Variants in C20orf173 observed in about 807,000 individuals in gnomAD.
C20orf173 encodes uncharacterized protein C20orf173.
A neutral mutation model predicts 26.7 loss-of-function variants in C20orf173; 22 were observed. The ratio of observed to expected loss-of-function variants is 0.82; its 90% confidence interval spans 0.59 to 1.18. The LOEUF (loss-of-function observed/expected upper bound fraction) is 1.18. C20orf173 is among the 50% of genes most tolerant of loss of function. The probability of loss-of-function intolerance (pLI) is 0.00; values close to 1 mark genes in which losing one functional copy is unlikely to be tolerated. For synonymous variants in C20orf173, 85 were observed against 96.4 expected (o/e 0.88, Z 0.69); for missense variants, 210 against 250.3 (o/e 0.84, Z 1.09).
downstream of C20orf173, among the ~76,000 whole-genome samples, chr20:35,521,740 C>A (rs2064476647): frequency 6.6e-6 from 1 of 151,916 alleles, no homozygotes; most frequent in South Asian, 2.1e-4. Flanking sequence ...TCCCAAGTAG[C>A]TAGGATTACA....
Position 35,528,728 on chromosome 20 carries a change from T to C in C20orf173, c.461A>G (p.Asp154Gly). The change falls in exon 3 of 6, where the codon GAC (aspartate) becomes GGC (glycine). Residue 154 changes from aspartate (D) to glycine (G), a missense_variant. Asp to Gly is a moderately conservative substitution (Grantham distance 94, BLOSUM62 -1). Coordinates refer to ENST00000444723, the MANE Select transcript of C20orf173 (RefSeq NM_001145350.2). ...QIPQGSSLGN[D>G]IDQYPVVFRN... ...GAAAACCACGGGGTATTGGTCGATG[T>C]CGTTGCCAAGGCTGGAGCCCTGCGG... 1 of 1,539,794 alleles carries C rather than the reference T, an allele frequency of 6.5e-7. No individual in the cohort carries two copies. Among genetic ancestry groups the C allele is most frequent in the Non-Finnish European group, 8.8e-7 (1 of 1,141,244 alleles).
chr20:35,523,179 G>A (rs1453651185), downstream of C20orf173: 2 of 152,672 alleles, frequency 1.3e-5, no homozygotes, highest in Non-Finnish European at 2.9e-5. Flanking sequence ...AAGTTGCTGG[G>A]ATGGTGGCAG....
chr20:35,528,450 C>G lies in C20orf173; in HGVS notation c.582+1G>C, dbSNP rs749319647. 1.9e-6 allele frequency: 3 copies of G among 1,551,676 alleles called. No individual in the cohort carries two copies. Among genetic ancestry groups the G allele is most frequent in the Non-Finnish European group, 2.6e-6 (3 of 1,146,950 alleles). On this transcript the variant is annotated splice_donor_variant, in intron 4 of 5. Coordinates refer to ENST00000444723, the MANE Select transcript of C20orf173 (RefSeq NM_001145350.2). LOFTEE classifies it high-confidence loss of function. ...AGAATGTCTGGGGACACCTCCATCACCTTATCACTTAGAGCATCTGAAGTC... is the reference window on the plus strand; with the variant it reads ...AGAATGTCTGGGGACACCTCCATCAGCTTATCACTTAGAGCATCTGAAGTC...
intron 4 of C20orf173, 37 bp downstream of exon 4, chr20:35,528,414 C>T (rs1225009007): frequency 1.3e-6 from 2 of 1,547,280 alleles, no homozygotes; most frequent in Non-Finnish European, 1.7e-6. Flanking sequence ...CCTCCCCTCA[C>T]CCCCACACAG....
At chr20:35,526,754 C>A (rs181447308), downstream of C20orf173, among the ~76,000 whole-genome samples, 92 of 149,164 alleles carry the variant, frequency 6.2e-4, no homozygotes, top group South Asian at 1.7e-3. Flanking sequence ...AACCCTCACC[C>A]TCCGGCATGG....
downstream of C20orf173, among the ~76,000 whole-genome samples, chr20:35,526,509 G>A (rs932048063): frequency 6.6e-6 from 1 of 151,670 alleles, no homozygotes; most frequent in Non-Finnish European, 1.5e-5. Flanking sequence ...TGCATTTATA[G>A]TCCCAGCTAC....
rs769095580 is a variant in C20orf173 at position 35,529,375 on chromosome 20, T to C, written c.-2A>G. On this transcript the variant is annotated 5_prime_UTR_variant, in exon 2 of 6. Transcript: ENST00000444723. ...GACAAAAATCTGCCAGCGCTTCATG[T>C]CTGGCCCAGGCGGTGGCTCCCGTGG... 3.9e-5 allele frequency: 60 copies of C among 1,534,506 alleles called. No homozygotes were observed. The highest frequency in any genetic ancestry group is 5.3e-5 in the Non-Finnish European group (60 of 1,139,270).
downstream of C20orf173, among the ~76,000 whole-genome samples, chr20:35,523,836 G>C (rs932065961): frequency 6.6e-6 from 1 of 152,108 alleles, no homozygotes; most frequent in African/African-American, 2.4e-5. Flanking sequence ...GGCCACCTTG[G>C]CGATGGCTCA....
downstream of C20orf173, among the ~76,000 whole-genome samples, chr20:35,524,476 G>A (rs1391289175): frequency 2.0e-5 from 3 of 152,060 alleles, no homozygotes; most frequent in East Asian, 5.8e-4. Context: ...GAACTGAATT[G>A]TTTTGAAATT....
rs1028737671 is a variant in C20orf173, at chr20:35,529,349, G to A, written c.25C>T (p.Leu9=). 6.5e-7 allele frequency: 1 copy of A among 1,545,682 alleles called. No homozygotes were observed. Among genetic ancestry groups the A allele is most frequent in the Admixed American group, 2.0e-5 (1 of 50,874 alleles). Residue 9 remains leucine, a synonymous_variant, in exon 2 of 6, where the codon CTG becomes TTG. Coordinates refer to ENST00000444723, the MANE Select transcript of C20orf173 (RefSeq NM_001145350.2). ...AGGATGAGCACCCAAAAGACCCACAGGACAAAAATCTGCCAGCGCTTCATG... is the reference window on the plus strand; with the variant it reads ...AGGATGAGCACCCAAAAGACCCACAAGACAAAAATCTGCCAGCGCTTCATG... MKRWQIFV[L]WVFWVLILWL... is the part of the protein sequence containing the mutation.
chr20:35,521,515 G>A (rs1403624275), downstream of C20orf173, among the ~76,000 whole-genome samples: 1 of 151,826 alleles, frequency 6.6e-6, no homozygotes, highest in Non-Finnish European at 1.5e-5. Context: ...ATCTGGGAGA[G>A]AGGAGAGGGA....
At chr20:35,525,593 G>A (rs2064498377), downstream of C20orf173, among the ~76,000 whole-genome samples, 1 of 152,146 alleles carries the variant, frequency 6.6e-6, no homozygotes. Flanking sequence ...GAAGACACAG[G>A]GGAGTATGCC....
chr20:35,520,941 C>T (rs1455174803), downstream of C20orf173: 1 of 152,236 alleles, frequency 6.6e-6, no homozygotes, highest in African/African-American at 2.4e-5. Context: ...ACCACAAGGT[C>T]CCCTTGGCTA....
chr20:35,523,922 G>A (rs1568860032), downstream of C20orf173, among the ~76,000 whole-genome samples: 1 of 152,130 alleles, frequency 6.6e-6, no homozygotes, highest in Non-Finnish European at 1.5e-5. Flanking sequence ...AGGGCCACCT[G>A]GAATCTTCTG....
chr20:35,525,379 C>G (rs1201982946), downstream of C20orf173, among the ~76,000 whole-genome samples: 1 of 152,100 alleles, frequency 6.6e-6, no homozygotes, highest in Non-Finnish European at 1.5e-5. Context: ...TGGCGAAACC[C>G]AGTCTCTACT....
chr20:35,523,109 G>A (rs2064484528), downstream of C20orf173: 1 of 152,710 alleles, frequency 6.5e-6, no homozygotes, highest in Non-Finnish European at 1.5e-5. Flanking sequence ...AGACTCGCCA[G>A]GCACGTGGAG....
chr20:35,529,007 G>A (rs2064529098), intron 2 of C20orf173, 58 bp downstream of exon 2: 1 of 1,535,188 alleles, frequency 6.5e-7, no homozygotes, highest in African/African-American at 1.4e-5. Flanking sequence ...GAAAGTGGGA[G>A]ATGGGTGAGG....
chr20:35,529,276 T>C lies in C20orf173; in HGVS notation c.98A>G (p.Gln33Arg), dbSNP rs1397774479. Reference sequence around the variant, plus strand: ...TGGTACCAAGTACATTCGTTTTTCCTGGGGTGCTGATTCAGGTGTCAGATC... The same window carrying C: ...TGGTACCAAGTACATTCGTTTTTCCCGGGGTGCTGATTCAGGTGTCAGATC... ...YLDLTPESAPQEKRMYLVPQH... is the reference protein window; with the variant it reads ...YLDLTPESAPREKRMYLVPQH... The change falls in exon 2 of 6, where the codon CAG becomes CGG. Residue 33 changes from glutamine (Q) to arginine (R), a missense_variant. Coordinates refer to ENST00000444723, the MANE Select transcript of C20orf173 (RefSeq NM_001145350.2). 2 of 1,551,588 alleles carry C rather than the reference T, an allele frequency of 1.3e-6. No individual in the cohort carries two copies. The highest frequency in any genetic ancestry group is 2.0e-5 in the Admixed American group (1 of 50,984).
In C20orf173 at chr20:35,529,149, C is replaced by G; in HGVS notation, c.225G>C (p.Trp75Cys). 1 of 1,551,730 alleles carries G rather than the reference C, an allele frequency of 6.4e-7. No homozygotes were observed. Among genetic ancestry groups the G allele is most frequent in the Non-Finnish European group, 8.7e-7 (1 of 1,147,006 alleles). ...TAGTCTTCCTGGAGCACGCATCAAG[C>G]CAGTTCCATTCGTCGGCTGTGTGGT... ...SCHHTADEWN[W>C]LDACSRKTMG... The change falls in exon 2 of 6, where the codon TGG (tryptophan) becomes TGC (cysteine). Residue 75 changes from tryptophan to cysteine, a missense_variant. Transcript: ENST00000444723.
Sources: allele counts gnomAD v4.1 joint callset (sites outside exome capture counted in the v4.1 genomes callset), GRCh38; gene constraint gnomAD v4.1.1; transcripts MANE v1.5; gene names NCBI Gene and HGNC (gene_info 2026-07-23, HGNC 2026-07-21).